Variants in NYAP2 observed in about 807,000 individuals in gnomAD.
The protein encoded by NYAP2 is neuronal tyrosine-phosphorylated phosphoinositide-3-kinase adapter 2.
NYAP2 carries 23 observed loss-of-function variants against 50.4 expected under a neutral mutation model. That is an observed-to-expected ratio of 0.46 (90% CI 0.33 to 0.65). The LOEUF (loss-of-function observed/expected upper bound fraction) is 0.65. Ranked by LOEUF, NYAP2 falls within the 30% of genes least tolerant of loss-of-function variation. The pLI, the probability that NYAP2 is intolerant of heterozygous loss-of-function variation, is 0.02. For synonymous variants in NYAP2, 394 were observed against 365.2 expected (o/e 1.08, Z -0.90); for missense variants, 885 against 861.0 (o/e 1.03, Z -0.35).
At chr2:225,565,689 A>G (rs550882235) in intron 4 of NYAP2, among the ~76,000 whole-genome samples, 5 of 152,316 alleles carry the variant, frequency 3.3e-5, no homozygotes, top group Admixed American at 2.0e-4. Context: ...CCTATATCCC[A>G]GGCAGTATGC....
intron 3 of NYAP2, among the ~76,000 whole-genome samples, chr2:225,493,015 C>G (rs1037349787): frequency 6.6e-6 from 1 of 150,604 alleles, no homozygotes; most frequent in Non-Finnish European, 1.5e-5. Flanking sequence ...TAGACAGGGT[C>G]TCACTGTGTC....
chr2:225,696,104 A>G, the NYAP2 span, among the ~76,000 whole-genome samples: 23 of 152,024 alleles, frequency 1.5e-4, no homozygotes, highest in Non-Finnish European at 2.5e-4. Context: ...AACTATTATT[A>G]TAATTTATAA....
chr2:225,691,101 AT>A, the NYAP2 span, among the ~76,000 whole-genome samples: 1 of 152,042 alleles, frequency 6.6e-6, no homozygotes, highest in Admixed American at 6.6e-5. Flanking sequence ...CTAGCATACT[AT>A]TTATTTGAGT....
At chr2:225,489,508 C>CTAAG (rs1282080551) in intron 3 of NYAP2, among the ~76,000 whole-genome samples, 2 of 152,062 alleles carry the variant, frequency 1.3e-5, no homozygotes, top group Admixed American at 6.6e-5. Context: ...TCCCCTTTTT[C>CTAAG]TAAGATTCAC....
intron 4 of NYAP2, among the ~76,000 whole-genome samples, chr2:225,579,719 A>G (rs555636084): frequency 6.6e-6 from 1 of 152,184 alleles, no homozygotes; most frequent in Non-Finnish European, 1.5e-5. Context: ...AAGCCTCACT[A>G]CCTGAGAATC....
chr2:225,439,731 G>A (rs935489583), intron 3 of NYAP2, among the ~76,000 whole-genome samples: 1 of 152,166 alleles, frequency 6.6e-6, no homozygotes, highest in Non-Finnish European at 1.5e-5. Context: ...GGAAGCTCAA[G>A]GGAACAGTGT....
chr2:225,591,076 G>A (rs534524871), intron 5 of NYAP2, among the ~76,000 whole-genome samples: 6 of 152,312 alleles, frequency 3.9e-5, no homozygotes, highest in Non-Finnish European at 8.8e-5. Flanking sequence ...CCATCCAGAT[G>A]AGTCCAGGCT....
At chr2:225,521,082 C>T (rs36015792) in intron 4 of NYAP2, among the ~76,000 whole-genome samples, 1 of 135,306 alleles carries the variant, frequency 7.4e-6, no homozygotes, top group East Asian at 2.1e-4. Context: ...TTTGTCTGTT[C>T]TTGGTGTATA....
the NYAP2 span, among the ~76,000 whole-genome samples, chr2:225,682,850 T>C: frequency 1.3e-5 from 2 of 152,204 alleles, no homozygotes; most frequent in East Asian, 1.9e-4. Flanking sequence ...AATGAGATCA[T>C]AAAGGCAGAT....
chr2:225,478,192 G>T (rs774085584), intron 3 of NYAP2, among the ~76,000 whole-genome samples: 1 of 152,146 alleles, frequency 6.6e-6, no homozygotes, highest in Non-Finnish European at 1.5e-5. Context: ...CTAGGGGTAA[G>T]TGGTAAGCAC....
the NYAP2 span, among the ~76,000 whole-genome samples, chr2:225,671,835 G>A: frequency 6.6e-6 from 1 of 152,034 alleles, no homozygotes; most frequent in African/African-American, 2.4e-5. Context: ...TAATCTCCTT[G>A]TACATCTCCA....
At chr2:225,448,667 C>A (rs1359409835) in intron 3 of NYAP2, among the ~76,000 whole-genome samples, 1 of 152,160 alleles carries the variant, frequency 6.6e-6, no homozygotes. Flanking sequence ...GCCCTCTCTT[C>A]CCCCAGAGAG....
chr2:225,619,389 G>C (rs990178139), intron 5 of NYAP2, among the ~76,000 whole-genome samples: 1 of 152,156 alleles, frequency 6.6e-6, no homozygotes. Context: ...ATATGCAAAG[G>C]CTCATTCATG....
chr2:225,571,702 G>C (rs895850630), intron 4 of NYAP2, among the ~76,000 whole-genome samples: 1 of 152,174 alleles, frequency 6.6e-6, no homozygotes, highest in African/African-American at 2.4e-5. Context: ...GCCTGTGATG[G>C]GAGGGGATGC....
the NYAP2 span, among the ~76,000 whole-genome samples, chr2:225,697,229 G>A: frequency 6.6e-6 from 1 of 151,886 alleles, no homozygotes; most frequent in Non-Finnish European, 1.5e-5. Context: ...TACTTGTCCA[G>A]TAATATGTAC....
chr2:225,434,151 A>G (rs927842983), intron 3 of NYAP2, among the ~76,000 whole-genome samples: 1 of 152,184 alleles, frequency 6.6e-6, no homozygotes, highest in Non-Finnish European at 1.5e-5. Context: ...TGTGATGTAA[A>G]TGACACAGCG....
exon 7 of NYAP2, chr2:225,651,725 T>C: frequency 1.3e-6 from 1 of 767,294 alleles, no homozygotes; most frequent in Non-Finnish European, 2.1e-6. Flanking sequence ...AGAATATCTT[T>C]CTTCCTTGTG....
chr2:225,576,220 G>A (rs901657583), intron 4 of NYAP2, among the ~76,000 whole-genome samples: 1 of 152,184 alleles, frequency 6.6e-6, no homozygotes, highest in South Asian at 2.1e-4. Context: ...TGTTGAGCCA[G>A]TTCCATGCCT....
chr2:225,487,651 C>T (rs947847350), intron 3 of NYAP2, among the ~76,000 whole-genome samples: 4 of 152,272 alleles, frequency 2.6e-5, no homozygotes, highest in Middle Eastern at 3.4e-3. Context: ...TGAGCCACCA[C>T]GCCTGGCAAA....
Sources: allele counts gnomAD v4.1 joint callset (sites outside exome capture counted in the v4.1 genomes callset), GRCh38; gene constraint gnomAD v4.1.1; transcripts MANE v1.5; gene names NCBI Gene and HGNC (gene_info 2026-07-23, HGNC 2026-07-21).